ADAMTS12: variants seen among roughly 807,000 people sequenced by gnomAD.
The protein encoded by ADAMTS12 is ADAM metallopeptidase with thrombospondin type 1 motif 12.
ADAMTS12 carries 118 observed loss-of-function variants against 167.8 expected under a neutral mutation model. The ratio of observed to expected loss-of-function variants is 0.70; its 90% CI spans 0.61 to 0.82. The LOEUF (loss-of-function observed/expected upper bound fraction) is 0.82, where lower values mean the gene tolerates loss of function less well. Among genes scored for constraint, ADAMTS12 ranks in the 40% least tolerant of loss-of-function variants. The pLI is 0.00. For missense variants in ADAMTS12, 1,916 were observed against 1,998.8 expected (o/e 0.96, Z 0.79); for synonymous variants, 704 against 716.9 (o/e 0.98, Z 0.29).
At chr5:33,550,122 C>CA (rs1745184941) in intron 20 of ADAMTS12, among the ~76,000 whole-genome samples, 1 of 152,190 alleles carries the variant, frequency 6.6e-6, no homozygotes, top group Non-Finnish European at 1.5e-5. Flanking sequence ...ACCCCTTGTG[C>CA]AGCAGCCCAG....
At chr5:33,578,195 G>A (rs1303407324) in intron 18 of ADAMTS12, among the ~76,000 whole-genome samples, 1 of 152,108 alleles carries the variant, frequency 6.6e-6, no homozygotes, top group Non-Finnish European at 1.5e-5. Flanking sequence ...AGGTATCCCT[G>A]ACCTCAAAGC....
At chr5:33,856,828 A>G (rs1749418592) in intron 2 of ADAMTS12, among the ~76,000 whole-genome samples, 1 of 152,226 alleles carries the variant, frequency 6.6e-6, no homozygotes, top group South Asian at 2.1e-4. Flanking sequence ...CAGCCATTAC[A>G]GAAAACAGTG....
intron 2 of ADAMTS12, among the ~76,000 whole-genome samples, chr5:33,827,277 T>C (rs1484366835): frequency 1.0e-5 from 1 of 96,766 alleles, no homozygotes; most frequent in Non-Finnish European, 2.5e-5. Flanking sequence ...GAGGGTCACA[T>C]AGCAAGAAAT....
intron 3 of ADAMTS12, among the ~76,000 whole-genome samples, chr5:33,714,353 G>A (rs1014095979): frequency 6.6e-6 from 1 of 152,076 alleles, no homozygotes; most frequent in Non-Finnish European, 1.5e-5. Context: ...TAATGCAAAT[G>A]CAATGTAAAT....
intron 2 of ADAMTS12, among the ~76,000 whole-genome samples, chr5:33,859,322 G>C (rs980971248): frequency 1.3e-5 from 2 of 152,212 alleles, no homozygotes; most frequent in Non-Finnish European, 2.9e-5. Context: ...GCTTGGTGGG[G>C]GGAGGGGCAT....
At chr5:33,666,791 A>AC (rs1741487564) in intron 5 of ADAMTS12, among the ~76,000 whole-genome samples, 1 of 152,036 alleles carries the variant, frequency 6.6e-6, no homozygotes, top group Non-Finnish European at 1.5e-5. Flanking sequence ...ATGCCCGGCC[A>AC]CCATACAGGG....
intron 2 of ADAMTS12, among the ~76,000 whole-genome samples, chr5:33,847,375 CA>C (rs1380837889): frequency 6.6e-6 from 1 of 152,182 alleles, no homozygotes; most frequent in Non-Finnish European, 1.5e-5. Flanking sequence ...GTAATCCCAG[CA>C]CTTTGGGAGG....
chr5:33,612,011 T>C (rs1738750821), intron 16 of ADAMTS12, among the ~76,000 whole-genome samples: 1 of 152,204 alleles, frequency 6.6e-6, no homozygotes, highest in Non-Finnish European at 1.5e-5. Context: ...CTAAATAAAA[T>C]AAAAATCCAT....
intron 2 of ADAMTS12, among the ~76,000 whole-genome samples, chr5:33,859,178 A>G (rs1374045674): frequency 6.6e-6 from 1 of 152,212 alleles, no homozygotes; most frequent in Non-Finnish European, 1.5e-5. Flanking sequence ...TTCCCTGGAA[A>G]GGGGGCTAAA....
At position 33,576,635 on chromosome 5, in the gene ADAMTS12, A is replaced by T; in HGVS notation, c.3391T>A (p.Ser1131Thr). The T allele has an allele frequency of 6.2e-7, 1 of 1,614,232 alleles. No individual in the cohort carries two copies. The highest frequency in any genetic ancestry group is 1.1e-5 in the South Asian group (1 of 91,084). Residue 1131 changes from serine (S) to threonine (T), a missense_variant, in exon 19 of 24, where the codon TCT becomes ACT. Transcript: ENST00000504830. The stretch of plus-strand genomic sequence containing the variant: ...GGCCAAGTGATAGGGTTGCGGGAAG[A>T]TGACAAGCCAGAACCACTTGTTGTT... ...ATTTSGSGLSSSRNPITWPVT... is the reference protein window; with the variant it reads ...ATTTSGSGLSTSRNPITWPVT...
intron 2 of ADAMTS12, among the ~76,000 whole-genome samples, chr5:33,829,203 C>G (rs1273669873): frequency 6.6e-6 from 1 of 152,106 alleles, no homozygotes; most frequent in Non-Finnish European, 1.5e-5. Flanking sequence ...TACTCATGAG[C>G]TGTGCTCCTC....
rs747142791 is a variant in ADAMTS12 at position 33,773,262 on chromosome 5, C to T, written c.490-21714G>A. On this transcript the variant is annotated intron_variant, in intron 2 of 23. Coordinates refer to ENST00000504830, the MANE Select transcript of ADAMTS12 (RefSeq NM_030955.4). The stretch of plus-strand genomic sequence containing the variant: ...AATATCAGTCTACTTGACACTTAGG[C>T]CATGTTCTTGATATTTTGATTAGAG... Among the ~76,000 whole-genome samples, 87 of 152,244 alleles carry T rather than the reference C, an allele frequency of 5.7e-4. 1 individual carries two copies. The highest frequency in any genetic ancestry group is 3.4e-3 in the Middle Eastern group (1 of 294).
At chr5:33,578,629 A>G (rs1412323640) in intron 18 of ADAMTS12, among the ~76,000 whole-genome samples, 1 of 152,208 alleles carries the variant, frequency 6.6e-6, no homozygotes, top group Non-Finnish European at 1.5e-5. Context: ...CTCACTCATG[A>G]GCTTCTGCAT....
At chr5:33,876,537 T>C (rs1210775050) in intron 2 of ADAMTS12, among the ~76,000 whole-genome samples, 1 of 151,570 alleles carries the variant, frequency 6.6e-6, no homozygotes, top group Non-Finnish European at 1.5e-5. Flanking sequence ...TTTCAACAAA[T>C]GGTGCTGGAA....
chr5:33,874,243 C>T (rs28896471), intron 2 of ADAMTS12, among the ~76,000 whole-genome samples: 1 of 152,068 alleles, frequency 6.6e-6, no homozygotes, highest in Non-Finnish European at 1.5e-5. Context: ...AAATTAGCAA[C>T]CTGATTAAAA....
intron 2 of ADAMTS12, among the ~76,000 whole-genome samples, chr5:33,752,691 A>G (rs963213586): frequency 6.6e-6 from 1 of 152,302 alleles, no homozygotes; most frequent in East Asian, 1.9e-4. Context: ...AGGTTGCAAA[A>G]CTAAACTTGG....
At chr5:33,661,248 A>G (rs1741248149) in intron 6 of ADAMTS12, among the ~76,000 whole-genome samples, 1 of 152,214 alleles carries the variant, frequency 6.6e-6, no homozygotes, top group Admixed American at 6.5e-5. Flanking sequence ...ATAAATATTT[A>G]TTGAATCAAT....
At chr5:33,647,031 A>G (rs1740694597) in intron 9 of ADAMTS12, among the ~76,000 whole-genome samples, 1 of 152,186 alleles carries the variant, frequency 6.6e-6, no homozygotes, top group South Asian at 2.1e-4. Flanking sequence ...ATAAAGATAC[A>G]TGATATAAAA....
chr5:33,530,097 T>TTG (rs1744022965), intron 23 of ADAMTS12, among the ~76,000 whole-genome samples: 1 of 151,656 alleles, frequency 6.6e-6, no homozygotes, highest in African/African-American at 2.4e-5. Context: ...TTTTTTTTTT[T>TTG]GTATATTTAG....
Sources: gnomAD v4.1 joint callset for allele counts (sites outside exome capture counted in the v4.1 genomes callset) on GRCh38, gnomAD v4.1.1 for gene constraint, MANE v1.5 for transcripts, NCBI Gene and HGNC (gene_info 2026-07-23, HGNC 2026-07-21) for gene names.